Variants in C10orf67 observed in about 807,000 individuals in gnomAD.
C10orf67 encodes chromosome 10 open reading frame 67.
C10orf67 carries 60 observed loss-of-function variants against 35.6 expected under a neutral mutation model. The observed-to-expected ratio is 1.68, with a 90% CI of 1.37 to 2.09. C10orf67 has a LOEUF of 2.09. Among genes scored for constraint, C10orf67 ranks in the 30% most tolerant of loss-of-function variants. The probability of loss-of-function intolerance (pLI) is 0.00; values close to 1 mark genes in which losing one functional copy is unlikely to be tolerated. For synonymous variants in C10orf67, 167 were observed against 115.8 expected (o/e 1.44, Z -2.84); for missense variants, 474 against 330.2 (o/e 1.44, Z -3.38).
chr10:23,274,781 T>G (rs1843135330), intron 8 of C10orf67, among the ~76,000 whole-genome samples: 1 of 152,186 alleles, frequency 6.6e-6, no homozygotes, highest in African/African-American at 2.4e-5. Flanking sequence ...TTAAATCCTA[T>G]GCCTAGGATT....
At chr10:23,267,314 T>C (rs1842909705) in intron 8 of C10orf67, 60 bp from the exon 9 acceptor site, 1 of 657,816 alleles carries the variant, frequency 1.5e-6, no homozygotes, top group African/African-American at 1.8e-5. Context: ...AAAGACAATT[T>C]TCTATAAAAC....
chr10:23,212,694 C>G (rs1368796899), intron 15 of C10orf67, among the ~76,000 whole-genome samples: 1 of 150,168 alleles, frequency 6.7e-6, no homozygotes, highest in African/African-American at 2.4e-5. Flanking sequence ...GTAGGCAGCC[C>G]CAAACTTATA....
chr10:23,287,076 A>C (rs983033703), intron 7 of C10orf67, among the ~76,000 whole-genome samples: 5 of 152,246 alleles, frequency 3.3e-5, no homozygotes, highest in Admixed American at 6.5e-5. Context: ...ATTCAATGCT[A>C]TTTCCATCAA....
In C10orf67 at chr10:23,248,526, T is replaced by C. The variant is rs186999388; in HGVS notation, c.1346+1929A>G. On this transcript the variant is annotated intron_variant, in intron 12 of 15. Coordinates refer to ENST00000636213, the MANE Select transcript of C10orf67 (RefSeq NM_001371909.1). The stretch of plus-strand genomic sequence containing the variant: ...AAATCATGAATTGACTGAGAAATCA[T>C]TGGATTGGACTCTGATCTTGACTGG... Among the ~76,000 whole-genome samples, 5 of 152,288 alleles carry C rather than the reference T, an allele frequency of 3.3e-5. No homozygotes were observed. In the East Asian group the frequency reaches 9.6e-4, roughly 29 times the overall value.
rs1237578986 is a variant in C10orf67, at chr10:23,267,175, GA to G, written c.1035+19del. 1 of 704,346 alleles carries G rather than the reference GA, an allele frequency of 1.4e-6. No homozygotes were observed. The highest frequency in any genetic ancestry group is 1.8e-5 in the African/African-American group (1 of 56,302). The allele number at this position is 704,346 out of a possible 1,614,324, so 43.6% of individuals were successfully genotyped here. A position where few individuals can be genotyped will look rare whatever the true frequency, so the allele number is the denominator to read the frequency against. On this transcript the variant is annotated intron_variant, in intron 9 of 15. Transcript: ENST00000636213. ...ACAAAATAAAAGAGAAAGAGAGAGA[GA>G]AAAAACTTAAATACAAACCTTTACA...
intron 4 of C10orf67, among the ~76,000 whole-genome samples, chr10:23,303,961 C>T (rs1844181256): frequency 6.6e-6 from 1 of 152,132 alleles, no homozygotes. Flanking sequence ...AGCTACAAAC[C>T]CAGAAATTGC....
At chr10:23,315,370 T>C (rs903767804) in intron 4 of C10orf67, among the ~76,000 whole-genome samples, 19 of 152,192 alleles carry the variant, frequency 1.2e-4, no homozygotes, top group Admixed American at 6.5e-4. Context: ...ACATTAGAAA[T>C]AGATCAATGT....
chr10:23,228,208 A>G (rs927440631), intron 13 of C10orf67, among the ~76,000 whole-genome samples: 2 of 152,228 alleles, frequency 1.3e-5, no homozygotes, highest in Admixed American at 1.3e-4. Context: ...GGCTACAGTA[A>G]CCAAAAAAGC....
At chr10:23,292,326 T>G (rs1490873160) in intron 5 of C10orf67, among the ~76,000 whole-genome samples, 1 of 151,972 alleles carries the variant, frequency 6.6e-6, no homozygotes, top group Non-Finnish European at 1.5e-5. Context: ...TATACTTTAT[T>G]GTGGTATGAT....
At chr10:23,300,858 A>C (rs11597935) in intron 5 of C10orf67, among the ~76,000 whole-genome samples, 27,949 of 152,050 alleles carry the variant, frequency 0.18, 3,163 homozygotes, top group Non-Finnish European at 0.26. Context: ...GAACTGACTG[A>C]GATACCAGAG....
intron 13 of C10orf67, among the ~76,000 whole-genome samples, chr10:23,235,035 T>TAAAAAAAAAAAAAAAAAAAAAAAA (rs1842012354): frequency 7.8e-6 from 1 of 127,498 alleles, no homozygotes. Context: ...AAAAAAAAGC[T>TAAAAAAAAAAAAAAAAAAAAAAAA]AAATAAAAAT....
intron 4 of C10orf67, chr10:23,318,594 T>G: frequency 1.0e-5 from 3 of 291,990 alleles, no homozygotes; most frequent in South Asian, 1.1e-4. Context: ...CACCTCTTGA[T>G]GGGAGAGAAA....
intron 15 of C10orf67, among the ~76,000 whole-genome samples, chr10:23,217,381 C>G (rs868440437): frequency 2.6e-5 from 4 of 152,164 alleles, no homozygotes; most frequent in Non-Finnish European, 5.9e-5. Context: ...TAAGGGTACA[C>G]TTGGTAAGCC....
chr10:23,241,450 A>G (rs539416768), intron 12 of C10orf67, among the ~76,000 whole-genome samples: 43 of 152,296 alleles, frequency 2.8e-4, no homozygotes, highest in Non-Finnish European at 5.6e-4. Flanking sequence ...GATGTGGTAA[A>G]TGCATTTTGC....
intron 15 of C10orf67, among the ~76,000 whole-genome samples, chr10:23,222,280 T>C (rs572843553): frequency 6.6e-6 from 1 of 152,280 alleles, no homozygotes; most frequent in South Asian, 2.1e-4. Context: ...CTTTGCAAAA[T>C]GGTTTTCTTG....
chr10:23,206,330 G>T (rs1473311608), intron 15 of C10orf67, among the ~76,000 whole-genome samples: 1 of 152,102 alleles, frequency 6.6e-6, no homozygotes, highest in Admixed American at 6.6e-5. Flanking sequence ...ATACTTGAGG[G>T]AAAACAATTA....
chr10:23,243,771 T>A (rs1028609873), intron 12 of C10orf67, among the ~76,000 whole-genome samples: 1 of 151,674 alleles, frequency 6.6e-6, no homozygotes, highest in Admixed American at 6.6e-5. Flanking sequence ...AAAACAAACA[T>A]GAAGACCATG....
At chr10:23,230,018 T>A (rs1217508385) in intron 13 of C10orf67, among the ~76,000 whole-genome samples, 1 of 152,052 alleles carries the variant, frequency 6.6e-6, no homozygotes, top group Non-Finnish European at 1.5e-5. Context: ...AAAATTTACA[T>A]GGAAATGCAA....
At chr10:23,207,360 T>C (rs1206497187) in intron 15 of C10orf67, among the ~76,000 whole-genome samples, 2 of 152,216 alleles carry the variant, frequency 1.3e-5, no homozygotes, top group African/African-American at 4.8e-5. Flanking sequence ...AAAGGGAAGG[T>C]TGCTAATTTT....
Sources: gnomAD v4.1 joint callset for allele counts (sites outside exome capture counted in the v4.1 genomes callset) on GRCh38, gnomAD v4.1.1 for gene constraint, MANE v1.5 for transcripts, NCBI Gene and HGNC (gene_info 2026-07-23, HGNC 2026-07-21) for gene names.